The following UBR4 variants were observed in gnomAD, a reference collection of about 807,000 sequenced individuals.
UBR4 encodes E3 ubiquitin-protein ligase UBR4.
Under a neutral mutation model 575.6 loss-of-function variants are expected in UBR4, and 124 were observed. That is an observed-to-expected ratio of 0.22 (90% CI 0.19 to 0.25). UBR4 has a LOEUF of 0.25. UBR4 is among the 10% of genes least tolerant of loss of function. UBR4 has a pLI of 1.00. For synonymous variants in UBR4, 2,455 were observed against 2,473.7 expected (o/e 0.99, Z 0.22); for missense variants, 4,818 against 6,478.8 (o/e 0.74, Z 8.80).
In UBR4 at chr1:19,129,447, T is replaced by C. The variant is rs150564347; in HGVS notation, c.8907-373A>G. ...GCTTTTTTCTAATATGTGGCCCTAT[T>C]CTGCCTCCAGACATTATTTTCTAGA... On this transcript the variant is annotated intron_variant, in intron 60 of 105. Coordinates refer to ENST00000375254, the MANE Select transcript of UBR4 (RefSeq NM_020765.3). 1.3e-3 allele frequency among the ~76,000 whole-genome samples: 202 copies of C among 152,366 alleles called. No individual in the cohort carries two copies. In the Middle Eastern group the frequency reaches 0.014, roughly 10 times the overall value.
intron 60 of UBR4, among the ~76,000 whole-genome samples, chr1:19,132,308 A>C (rs1400336282): frequency 6.6e-6 from 1 of 151,862 alleles, no homozygotes; most frequent in Non-Finnish European, 1.5e-5. Context: ...CAGCCTCCCA[A>C]GTAGCTGGGA....
intron 55 of UBR4, 116 bp from the exon 56 acceptor site, chr1:19,141,893 C>CTTTA (rs2083980981): frequency 6.9e-7 from 1 of 1,456,250 alleles, no homozygotes; most frequent in Admixed American, 2.1e-5. Context: ...GCACCCTGGG[C>CTTTA]TTTAGCGGGA....
chr1:19,161,685 C>T lies in UBR4; in HGVS notation c.5079G>A (p.Val1693=). The T allele has an allele frequency of 6.2e-7, 1 of 1,613,956 alleles. No homozygotes were observed. The highest frequency in any genetic ancestry group is 8.5e-7 in the Non-Finnish European group (1 of 1,179,868). ...GATCCTTGTGGCACACCTTAGCACA[C>T]ACTGTGCAGACACCCACGCCATCCA... The part of the protein sequence containing the change: ...KMVDGVGVCT[V]CAKVCHKDHE... The change falls in exon 37 of 106, where the codon GTG becomes GTA. Residue 1693 remains valine (V), a synonymous_variant. Transcript: ENST00000375254.
chr1:19,156,039 C>G (rs901701541), intron 42 of UBR4, among the ~76,000 whole-genome samples: 9 of 152,152 alleles, frequency 5.9e-5, no homozygotes, highest in Non-Finnish European at 1.0e-4. Flanking sequence ...CAGGGTCTTG[C>G]TCTATCACCC....
intron 61 of UBR4, 73 bp from the exon 62 acceptor site, chr1:19,128,391 G>A: frequency 3.9e-6 from 5 of 1,283,684 alleles, no homozygotes; most frequent in Non-Finnish European, 5.6e-6. Flanking sequence ...GGGTGTTTCA[G>A]AAGAAATCCT....
chr1:19,126,470 T>C lies in UBR4; in HGVS notation c.9414A>G (p.Pro3138=), dbSNP rs2081808100. ...CCTTCACATACTGGCGGAGAAAGAA[T>C]GGGCTCATGTCAGGTGGGGAGGAGG... ...HTTSSPPDMS[P]FFLRQYVKGH... is the part of the protein sequence containing the mutation. Residue 3138 remains proline (P), a synonymous_variant, in exon 64 of 106, where the codon CCA becomes CCG. Transcript: ENST00000375254. 1.2e-6 allele frequency: 2 copies of C among 1,614,170 alleles called. No individual in the cohort carries two copies. The highest frequency in any genetic ancestry group is 8.5e-7 in the Non-Finnish European group (1 of 1,180,002).
In UBR4 at chr1:19,088,743, T is replaced by C. The variant is rs749345159; in HGVS notation, c.14430+16A>G. 1.9e-6 allele frequency: 3 copies of C among 1,612,208 alleles called. No homozygotes were observed. The highest frequency in any genetic ancestry group is 2.5e-6 in the Non-Finnish European group (3 of 1,179,704). On this transcript the variant is annotated intron_variant, in intron 98 of 105. Coordinates refer to ENST00000375254, the MANE Select transcript of UBR4 (RefSeq NM_020765.3). The surrounding 1 kb of genome is among the most constrained non-coding windows in gnomAD (Gnocchi z 4.0). ...AGTGTGGGCAGAAATATGGGGACTCTAGGTGGTAGCTTTACCGTCATGCCC... is the reference window on the plus strand; with the variant it reads ...AGTGTGGGCAGAAATATGGGGACTCCAGGTGGTAGCTTTACCGTCATGCCC...
Position 19,192,473 on chromosome 1 carries a change from C to T in UBR4, c.1203+8G>A, listed in dbSNP as rs757622281. 1 of 1,614,058 alleles carries T rather than the reference C, an allele frequency of 6.2e-7. No homozygotes were observed. The highest frequency in any genetic ancestry group is 8.5e-7 in the Non-Finnish European group (1 of 1,180,036). Reference sequence around the variant, plus strand: ...GAAGTATGCAGCAGAGACAGATACGCTTCTTACCTCACCACCAGCCCGGCG... The same window carrying T: ...GAAGTATGCAGCAGAGACAGATACGTTTCTTACCTCACCACCAGCCCGGCG... On this transcript the variant is annotated splice_region_variant and intron_variant, in intron 10 of 105. Transcript: ENST00000375254.
intron 44 of UBR4, among the ~76,000 whole-genome samples, chr1:19,154,162 T>C (rs1330918602): frequency 6.6e-6 from 1 of 152,204 alleles, no homozygotes; most frequent in Non-Finnish European, 1.5e-5. Flanking sequence ...GAGTCTCCAC[T>C]GTGAGGTTCC....
intron 26 of UBR4, 31 bp from the exon 27 acceptor site, chr1:19,169,563 C>A: frequency 6.3e-7 from 1 of 1,594,872 alleles, no homozygotes; most frequent in Non-Finnish European, 8.6e-7. Flanking sequence ...AAGGAATCAT[C>A]ACAAGAAAGA....
rs2083818639 is a variant in UBR4, at chr1:19,140,817, G to A, written c.8564C>T (p.Ala2855Val). 1.2e-6 allele frequency: 2 copies of A among 1,613,402 alleles called. No individual in the cohort carries two copies. Among genetic ancestry groups the A allele is most frequent in the Non-Finnish European group, 1.7e-6 (2 of 1,179,950 alleles). ...GQAPSSSSLD[A>V]GTLSDTTASA... is the part of the protein sequence containing the mutation. ...TGCTGTGGTGTCAGAGAGGGTTCCT[G>A]CGTCCAGAGAGGAAGAGCTGGGTGC... The change falls in exon 58 of 106, where the codon GCA becomes GTA. Residue 2855 changes from alanine (A) to valine (V), a missense_variant. Coordinates refer to ENST00000375254, the MANE Select transcript of UBR4 (RefSeq NM_020765.3).
chr1:19,185,146 G>A lies in UBR4; in HGVS notation c.1891C>T (p.Pro631Ser), dbSNP rs914102589. The part of the protein sequence containing the change: ...PRVKSPSKQA[P>S]GEKGNILASR... ...GCCAGAATGTTGCCCTTCTCACCAG[G>A]GGCCTGCTTACTGGGGCTTTTAACC... Residue 631 changes from proline to serine, a missense_variant, in exon 15 of 106, where the codon CCT (proline) becomes TCT (serine). Transcript: ENST00000375254. 5.0e-6 allele frequency: 8 copies of A among 1,614,104 alleles called. No homozygotes were observed. The highest frequency in any genetic ancestry group is 2.7e-5 in the African/African-American group (2 of 75,008).
At chr1:19,131,043 G>A (rs2082362123) in intron 60 of UBR4, among the ~76,000 whole-genome samples, 1 of 151,906 alleles carries the variant, frequency 6.6e-6, no homozygotes, top group African/African-American at 2.4e-5. Context: ...TGAGTAGCTG[G>A]TACCACTGGC....
intron 25 of UBR4, among the ~76,000 whole-genome samples, chr1:19,172,306 T>C (rs1232583816): frequency 6.6e-6 from 1 of 151,818 alleles, no homozygotes; most frequent in Non-Finnish European, 1.5e-5. Context: ...CACCTGAGGT[T>C]AGGAATTCAA....
chr1:19,181,854 G>A (rs902108550), intron 17 of UBR4, among the ~76,000 whole-genome samples: 1 of 152,100 alleles, frequency 6.6e-6, no homozygotes, highest in African/African-American at 2.4e-5. Flanking sequence ...CAGTTCTGTG[G>A]CATTAAGCAC....
At position 19,074,905 on chromosome 1, in the gene UBR4, CA is replaced by C. The variant is rs746969381; in HGVS notation, c.15488-10del. ...GATTTCTGATAAAAGACCTGCAAAG[CA>C]CAACGGGCAGAGGTGTGTCAGGAGC... is the stretch of plus-strand genomic sequence containing the variant. On this transcript the variant is annotated splice_polypyrimidine_tract_variant and intron_variant, in intron 105 of 105. Coordinates refer to ENST00000375254, the MANE Select transcript of UBR4 (RefSeq NM_020765.3). 6.2e-7 allele frequency: 1 copy of C among 1,613,854 alleles called. No individual in the cohort carries two copies. The highest frequency in any genetic ancestry group is 8.5e-7 in the Non-Finnish European group (1 of 1,179,936).
At chr1:19,183,051 G>T (rs1381966334) in intron 17 of UBR4, among the ~76,000 whole-genome samples, 1 of 152,170 alleles carries the variant, frequency 6.6e-6, no homozygotes, top group Non-Finnish European at 1.5e-5. Context: ...TGTTTTGGTG[G>T]TGAGTTTGCA....
Position 19,100,210 on chromosome 1 carries a change from G to T in UBR4, c.13221+166C>A. 1 of 682,654 alleles carries T rather than the reference G, an allele frequency of 1.5e-6. No homozygotes were observed. Among genetic ancestry groups the T allele is most frequent in the Non-Finnish European group, 2.5e-6 (1 of 399,174 alleles). 42.3% of individuals were successfully genotyped at this position (682,654 alleles called of 1,614,324 possible). A position where few individuals can be genotyped will look rare whatever the true frequency, so the allele number is the denominator to read the frequency against. On this transcript the variant is annotated intron_variant, in intron 89 of 105. Coordinates refer to ENST00000375254, the MANE Select transcript of UBR4 (RefSeq NM_020765.3). The surrounding 1 kb of genome is among the most constrained non-coding windows in gnomAD (Gnocchi z 4.2). ...TTACAGGTTATTAACCTTAGCACTA[G>T]GTGAGGTAGAAAGGTGGGAATCATT...
intron 100 of UBR4, 24 bp from the exon 101 acceptor site, chr1:19,086,294 C>T: frequency 1.4e-6 from 2 of 1,447,188 alleles, no homozygotes; most frequent in Non-Finnish European, 1.8e-6. Flanking sequence ...AGAGCAGGGA[C>T]AAGCGACTGC....
Sources: allele counts gnomAD v4.1 joint callset (sites outside exome capture counted in the v4.1 genomes callset), GRCh38; gene constraint gnomAD v4.1.1; non-coding constraint Gnocchi (gnomAD v3.1); transcripts MANE v1.5; gene names NCBI Gene and HGNC (gene_info 2026-07-23, HGNC 2026-07-21).